GALNT18: variants seen among roughly 807,000 people sequenced by gnomAD.
The protein encoded by GALNT18 is polypeptide N-acetylgalactosaminyltransferase 18, also known as GalNAc-transferase 18.
GALNT18 carries 44 observed loss-of-function variants against 69.5 expected under a neutral mutation model. The observed-to-expected ratio is 0.63, with a 90% CI of 0.50 to 0.81. The LOEUF (loss-of-function observed/expected upper bound fraction) is 0.81, where lower values mean the gene tolerates loss of function less well. Among genes scored for constraint, GALNT18 ranks in the 40% least tolerant of loss-of-function variants. The pLI is 0.00. For missense variants in GALNT18, 715 were observed against 810.0 expected (o/e 0.88, Z 1.42); for synonymous variants, 364 against 318.2 (o/e 1.14, Z -1.53).
chr11:11,372,722 C>A lies in GALNT18; in HGVS notation c.978-93G>T. 1 of 982,078 alleles carries A rather than the reference C, an allele frequency of 1.0e-6. No homozygotes were observed. Among genetic ancestry groups the A allele is most frequent in the South Asian group, 1.4e-5 (1 of 73,082 alleles). The allele number at this position is 982,078 out of a possible 1,614,324, so 60.8% of individuals were successfully genotyped here. On this transcript the variant is annotated intron_variant, in intron 5 of 10. Transcript: ENST00000227756. This position sits in a 1 kb window ranked among gnomAD's most constrained non-coding sequence, Gnocchi z 4.9. ...CTTCCTATCAGGAGGGTCTGGTTCT[C>A]TTCCTTCCTTTGCTGCCAGAGCCAG...
rs939992572 is a variant in GALNT18 at position 11,356,686 on chromosome 11, C to T, written c.1093-15682G>A. 2.6e-5 allele frequency among the ~76,000 whole-genome samples: 4 copies of T among 152,098 alleles called. No individual in the cohort carries two copies. The highest frequency in any genetic ancestry group is 9.7e-5 in the African/African-American group (4 of 41,426). On this transcript the variant is annotated intron_variant, in intron 6 of 10. Coordinates refer to ENST00000227756, the MANE Select transcript of GALNT18 (RefSeq NM_198516.3). This position sits in a 1 kb window ranked among gnomAD's most constrained non-coding sequence, Gnocchi z 4.4. The stretch of plus-strand genomic sequence containing the variant: ...CCAAATCCTTCATCAATTGTTACCT[C>T]GTTTGTGCATGTTATTAATCTCTCT...
intron 1 of GALNT18, among the ~76,000 whole-genome samples, chr11:11,510,011 C>G (rs1423851487): frequency 6.6e-6 from 1 of 152,198 alleles, no homozygotes; most frequent in Non-Finnish European, 1.5e-5. Flanking sequence ...CCCAAGGTCC[C>G]TGGTTACAGC....
chr11:11,551,474 C>A (rs1409497204), intron 1 of GALNT18, among the ~76,000 whole-genome samples: 3 of 152,118 alleles, frequency 2.0e-5, no homozygotes, highest in African/African-American at 7.2e-5. Flanking sequence ...TCCCAAAGCC[C>A]AGAAATTTCC....
Position 11,555,559 on chromosome 11 carries a change from C to A in GALNT18, c.235+65800G>T, listed in dbSNP as rs1044236368. On this transcript the variant is annotated intron_variant, in intron 1 of 10. Coordinates refer to ENST00000227756, the MANE Select transcript of GALNT18 (RefSeq NM_198516.3). This position sits in a 1 kb window ranked among gnomAD's most constrained non-coding sequence, Gnocchi z 4.7. ...TGCCCTGGCTTTAGACTTCTAATCTCCAGAACTATGAGAGAATAAATTCCT... is the reference window on the plus strand; with the variant it reads ...TGCCCTGGCTTTAGACTTCTAATCTACAGAACTATGAGAGAATAAATTCCT... Among the ~76,000 whole-genome samples, 1 of 152,174 alleles carries A rather than the reference C, an allele frequency of 6.6e-6. No individual in the cohort carries two copies. The highest frequency in any genetic ancestry group is 1.5e-5 in the Non-Finnish European group (1 of 68,028).
intron 1 of GALNT18, among the ~76,000 whole-genome samples, chr11:11,529,506 C>A (rs1230152928): frequency 6.6e-6 from 1 of 152,154 alleles, no homozygotes; most frequent in African/African-American, 2.4e-5. Context: ...TCCTTATTCT[C>A]GGGTCTTCAG....
chr11:11,307,412 C>A (rs1287655644), intron 9 of GALNT18, among the ~76,000 whole-genome samples: 4 of 152,132 alleles, frequency 2.6e-5, no homozygotes, highest in Non-Finnish European at 4.4e-5. Flanking sequence ...TTTATACATA[C>A]TTATTTAAAT....
chr11:11,427,704 C>T (rs576559425), intron 3 of GALNT18, among the ~76,000 whole-genome samples: 1 of 152,340 alleles, frequency 6.6e-6, no homozygotes, highest in South Asian at 2.1e-4. Context: ...AAATTCTGCG[C>T]TCTTCCCACC....
intron 1 of GALNT18, among the ~76,000 whole-genome samples, chr11:11,548,441 A>T (rs148355676): frequency 6.6e-6 from 1 of 152,158 alleles, no homozygotes; most frequent in African/African-American, 2.4e-5. Flanking sequence ...GCTCCATCCA[A>T]CACAAAGACC....
Position 11,444,214 on chromosome 11 carries a change from G to A in GALNT18, c.428+4530C>T, listed in dbSNP as rs1216145605. On this transcript the variant is annotated intron_variant, in intron 2 of 10. Transcript: ENST00000227756. The surrounding 1 kb of genome is among the most constrained non-coding windows in gnomAD (Gnocchi z 4.4). ...TTGCAGATGCCACCCTCCAGGCCCC[G>A]CCTCCCTGCCACAGAGAGGTGCCTT... Among the ~76,000 whole-genome samples, 5 of 151,774 alleles carry A rather than the reference G, an allele frequency of 3.3e-5. No homozygotes were observed. The highest frequency in any genetic ancestry group is 4.4e-5 in the Non-Finnish European group (3 of 67,912).
In GALNT18 at chr11:11,358,859, A is replaced by ACACACACACACACACACACG. The variant is rs1554921791; in HGVS notation, c.1092+13655_1092+13656insCGTGTGTGTGTGTGTGTGTG. ...CACACACACACACACACACACACAC[A>ACACACACACACACACACACG]CACGCACAGACATGTTATCCCAAGC... On this transcript the variant is annotated intron_variant, in intron 6 of 10. Transcript: ENST00000227756. 3.3e-4 allele frequency among the ~76,000 whole-genome samples: 43 copies of ACACACACACACACACACACG among 130,102 alleles called. 1 individual carries two copies. The highest frequency in any genetic ancestry group is 1.0e-3 in the African/African-American group (34 of 33,164). The allele number at this position is 130,102 out of a possible 152,430, so 85.4% of individuals were successfully genotyped here.
intron 5 of GALNT18, among the ~76,000 whole-genome samples, chr11:11,376,349 T>C (rs1270850313): frequency 6.6e-6 from 1 of 151,290 alleles, no homozygotes; most frequent in African/African-American, 2.4e-5. Flanking sequence ...GCCATTGCCC[T>C]CCAGCCTGGG....
At position 11,415,892 on chromosome 11, in the gene GALNT18, G is replaced by A. The variant is rs1041996347; in HGVS notation, c.595+16729C>T. Among the ~76,000 whole-genome samples, 1 of 152,210 alleles carries A rather than the reference G, an allele frequency of 6.6e-6. No individual in the cohort carries two copies. The highest frequency in any genetic ancestry group is 1.5e-5 in the Non-Finnish European group (1 of 68,050). On this transcript the variant is annotated intron_variant, in intron 3 of 10. Transcript: ENST00000227756. This position sits in a 1 kb window ranked among gnomAD's most constrained non-coding sequence, Gnocchi z 4.1. ...GGAATATGGAGTACACAGGTCTAGA[G>A]GGCAGCAGCTGGGCACCTAAGACTG...
rs954717513 is a variant in GALNT18, at chr11:11,563,847, C to G, written c.235+57512G>C. Among the ~76,000 whole-genome samples the G allele has an allele frequency of 6.6e-6, 1 of 152,178 alleles. No homozygotes were observed. Among genetic ancestry groups the G allele is most frequent in the Non-Finnish European group, 1.5e-5 (1 of 68,038 alleles). On this transcript the variant is annotated intron_variant, in intron 1 of 10. Transcript: ENST00000227756. The surrounding 1 kb of genome is among the most constrained non-coding windows in gnomAD (Gnocchi z 4.6). ...GGAGACGAGATGAGAAAACAGATAT[C>G]CTTTCCCAGGATTTGGGAGCAAATT...
At chr11:11,549,479 G>C (rs542519863) in intron 1 of GALNT18, among the ~76,000 whole-genome samples, 1 of 152,242 alleles carries the variant, frequency 6.6e-6, no homozygotes, top group African/African-American at 2.4e-5. Context: ...CACATGTTTG[G>C]GCCTCTTTAA....
chr11:11,420,300 C>T (rs551019836), intron 3 of GALNT18, among the ~76,000 whole-genome samples: 1 of 152,126 alleles, frequency 6.6e-6, no homozygotes, highest in Non-Finnish European at 1.5e-5. Context: ...GTCTCTAGCA[C>T]CACCTCCCGC....
intron 3 of GALNT18, among the ~76,000 whole-genome samples, chr11:11,426,642 G>A (rs1855137413): frequency 6.6e-6 from 1 of 152,196 alleles, no homozygotes; most frequent in Non-Finnish European, 1.5e-5. Context: ...ATAATTAGGA[G>A]AGAGTAAATG....
chr11:11,352,067 C>G, intron 6 of GALNT18: 1 of 1,613,790 alleles, frequency 6.2e-7, no homozygotes, highest in Non-Finnish European at 8.5e-7. Context: ...TCCCTGACAT[C>G]ACATTGGCGC....
At position 11,341,824 on chromosome 11, in the gene GALNT18, C is replaced by T. The variant is rs1850213519; in HGVS notation, c.1093-820G>A. Reference sequence around the variant, plus strand: ...CTTCTTCAGCTGAAAAAATTCACCTCTCAAGACCTTGATCAGGCTGGGCAC... The same window carrying T: ...CTTCTTCAGCTGAAAAAATTCACCTTTCAAGACCTTGATCAGGCTGGGCAC... On this transcript the variant is annotated intron_variant, in intron 6 of 10. Coordinates refer to ENST00000227756, the MANE Select transcript of GALNT18 (RefSeq NM_198516.3). This position sits in a 1 kb window ranked among gnomAD's most constrained non-coding sequence, Gnocchi z 6.3. Among the ~76,000 whole-genome samples the T allele has an allele frequency of 6.6e-6, 1 of 152,092 alleles. No homozygotes were observed. The highest frequency in any genetic ancestry group is 2.4e-5 in the African/African-American group (1 of 41,396).
chr11:11,335,178 G>C (rs550879399), intron 7 of GALNT18, among the ~76,000 whole-genome samples: 3 of 152,274 alleles, frequency 2.0e-5, no homozygotes, highest in African/African-American at 7.2e-5. Context: ...TCTGCACTTA[G>C]GAACAGGGCA....
Sources: allele counts gnomAD v4.1 joint callset (sites outside exome capture counted in the v4.1 genomes callset), GRCh38; gene constraint gnomAD v4.1.1; non-coding constraint Gnocchi (gnomAD v3.1); transcripts MANE v1.5; gene names NCBI Gene and HGNC (gene_info 2026-07-23, HGNC 2026-07-21).